The following GMDS variants were observed in gnomAD, a reference collection of about 807,000 sequenced individuals.
GMDS encodes the protein GDP-mannose 4,6-dehydratase.
In GMDS, 20 loss-of-function variants were observed where a neutral mutation model predicts 49.9. The observed-to-expected ratio is 0.40, with a 90% confidence interval of 0.28 to 0.58. The LOEUF is 0.58. Ranked by LOEUF, GMDS falls within the 20% of genes least tolerant of loss-of-function variation. The pLI, the probability that GMDS is intolerant of heterozygous loss-of-function variation, is 0.42. For missense variants in GMDS, 362 were observed against 481.4 expected (o/e 0.75, Z 2.32); for synonymous variants, 177 against 178.6 (o/e 0.99, Z 0.07).
At chr6:1,799,386 G>A (rs182084807) in intron 7 of GMDS, among the ~76,000 whole-genome samples, 23 of 152,228 alleles carry the variant, frequency 1.5e-4, no homozygotes, top group Admixed American at 1.1e-3. Context: ...TTGGCAACAC[G>A]GTGCCTTTTG....
intron 4 of GMDS, among the ~76,000 whole-genome samples, chr6:2,021,486 A>G (rs1323308491): frequency 6.6e-6 from 1 of 152,218 alleles, no homozygotes; most frequent in East Asian, 1.9e-4. Context: ...GAGTGTTTAA[A>G]GGCTTAGTCC....
At position 2,206,682 on chromosome 6, in the gene GMDS, C is replaced by T. The variant is rs539020139; in HGVS notation, c.102+38639G>A. ...GCTGCATCCAAGTCACTCATTCAGA[C>T]TGCTGGGCCCCACCCCTCAGAGCTC... is the stretch of plus-strand genomic sequence containing the variant. On this transcript the variant is annotated intron_variant, in intron 1 of 10. Coordinates refer to ENST00000380815, the MANE Select transcript of GMDS (RefSeq NM_001500.4). Among the ~76,000 whole-genome samples, 4 of 152,310 alleles carry T rather than the reference C, an allele frequency of 2.6e-5. No individual in the cohort carries two copies. In the South Asian group the frequency reaches 8.3e-4, roughly 32 times the overall value.
intron 9 of GMDS, among the ~76,000 whole-genome samples, chr6:1,700,141 T>C (rs1765494543): frequency 6.6e-6 from 1 of 152,224 alleles, no homozygotes; most frequent in Admixed American, 6.5e-5. Context: ...ATTTTGTCCA[T>C]CTATTCAAAG....
intron 7 of GMDS, among the ~76,000 whole-genome samples, chr6:1,779,081 G>A (rs114029959): frequency 0.011 from 1,739 of 152,214 alleles, 38 homozygotes; most frequent in African/African-American, 0.039. Flanking sequence ...GCTGTACTCT[G>A]TTTAGAAATC....
chr6:1,837,268 TA>T (rs781125421), intron 7 of GMDS, among the ~76,000 whole-genome samples: 18 of 152,198 alleles, frequency 1.2e-4, no homozygotes, highest in Non-Finnish European at 2.4e-4. Flanking sequence ...TTTCTGTATT[TA>T]CAAAAGGGCA....
At chr6:2,125,208 CAGG>C (rs1426713293) in intron 1 of GMDS, among the ~76,000 whole-genome samples, 3 of 152,252 alleles carry the variant, frequency 2.0e-5, no homozygotes, top group African/African-American at 7.2e-5. Context: ...GAGGTCAAGG[CAGG>C]AGGATTACTT....
rs116570630 is a variant in GMDS, at chr6:1,943,959, A to G, written c.644-13729T>C. On this transcript the variant is annotated intron_variant, in intron 6 of 10. Transcript: ENST00000380815. ...ACACTGGAACAATATAGAGATATGT[A>G]TATCATCTTCTGAAATCAACTCCTT... Among the ~76,000 whole-genome samples, 161 of 152,366 alleles carry G rather than the reference A, an allele frequency of 1.1e-3. 1 individual carries two copies. Among genetic ancestry groups the G allele is most frequent in the African/African-American group, 3.0e-3 (126 of 41,584 alleles).
intron 7 of GMDS, among the ~76,000 whole-genome samples, chr6:1,783,304 T>C (rs768540623): frequency 1.3e-5 from 2 of 152,230 alleles, no homozygotes; most frequent in Non-Finnish European, 2.9e-5. Context: ...TCCCTTCCTT[T>C]GGGAGATCTT....
chr6:1,687,293 C>T lies in GMDS; in HGVS notation c.987+39123G>A, dbSNP rs576196869. Among the ~76,000 whole-genome samples the T allele has an allele frequency of 2.6e-5, 4 of 152,346 alleles. No individual in the cohort carries two copies. In the South Asian group the frequency reaches 8.3e-4, roughly 32 times the overall value. On this transcript the variant is annotated intron_variant, in intron 9 of 10. Transcript: ENST00000380815. ...ACGTGAACAGCACCTGCTACCTAGA[C>T]TCTCCCGCACTTCACGGGCTGGTTG...
chr6:1,909,758 C>T (rs1760954967), intron 7 of GMDS, among the ~76,000 whole-genome samples: 2 of 152,168 alleles, frequency 1.3e-5, no homozygotes, highest in Non-Finnish European at 2.9e-5. Flanking sequence ...AGTCAGTAGG[C>T]ACAAGGCGAG....
chr6:2,068,208 C>T (rs1185385938), intron 4 of GMDS, among the ~76,000 whole-genome samples: 49 of 151,880 alleles, frequency 3.2e-4, no homozygotes, highest in African/African-American at 1.2e-3. Context: ...TTTGACAAAA[C>T]TCAACAACGC....
chr6:2,240,016 T>G (rs1028473080), intron 1 of GMDS, among the ~76,000 whole-genome samples: 2 of 152,160 alleles, frequency 1.3e-5, no homozygotes, highest in Non-Finnish European at 2.9e-5. Flanking sequence ...GCCAAACCTT[T>G]TATCCCAGGA....
At chr6:1,684,661 G>C (rs986925879) in intron 9 of GMDS, among the ~76,000 whole-genome samples, 12 of 152,158 alleles carry the variant, frequency 7.9e-5, no homozygotes, top group African/African-American at 2.7e-4. Flanking sequence ...GGCGGTGTTG[G>C]GGGCAGGACT....
chr6:1,727,590 T>C (rs545052965), intron 8 of GMDS, among the ~76,000 whole-genome samples: 1 of 152,232 alleles, frequency 6.6e-6, no homozygotes. Context: ...CAAAATTAGT[T>C]ACCTGCCTAT....
At chr6:2,136,714 T>G (rs772395560) in intron 1 of GMDS, among the ~76,000 whole-genome samples, 76 of 151,870 alleles carry the variant, frequency 5.0e-4, no homozygotes, top group Admixed American at 3.5e-3. Context: ...AATGAGACCA[T>G]GTACCAAAAA....
At chr6:2,232,881 A>T (rs1047453902) in intron 1 of GMDS, among the ~76,000 whole-genome samples, 1 of 151,996 alleles carries the variant, frequency 6.6e-6, no homozygotes, top group Admixed American at 6.5e-5. Context: ...TTCTCCCCTG[A>T]CTGCACAGAA....
At chr6:2,029,020 A>C (rs1768792550) in intron 4 of GMDS, among the ~76,000 whole-genome samples, 1 of 150,480 alleles carries the variant, frequency 6.6e-6, no homozygotes, top group South Asian at 2.1e-4. Flanking sequence ...AACCAGAGGG[A>C]ATGAGATGGC....
At chr6:2,122,607 A>G (rs1396168929) in intron 2 of GMDS, among the ~76,000 whole-genome samples, 1 of 152,244 alleles carries the variant, frequency 6.6e-6, no homozygotes, top group East Asian at 1.9e-4. Context: ...GCATAAAAAC[A>G]TAAGGCCTGT....
At chr6:2,224,767 A>G (rs1224003232) in intron 1 of GMDS, among the ~76,000 whole-genome samples, 3 of 152,220 alleles carry the variant, frequency 2.0e-5, no homozygotes, top group Non-Finnish European at 4.4e-5. Context: ...TCTTCAGGAA[A>G]AGAATTCTAG....
Sources: gnomAD v4.1 joint callset for allele counts (sites outside exome capture counted in the v4.1 genomes callset) on GRCh38, gnomAD v4.1.1 for gene constraint, MANE v1.5 for transcripts, NCBI Gene and HGNC (gene_info 2026-07-23, HGNC 2026-07-21) for gene names.